REPS1: variants seen among roughly 807,000 people sequenced by gnomAD.
REPS1 encodes RALBP1 associated Eps domain containing 1.
In REPS1, 39 loss-of-function variants were observed where a neutral mutation model predicts 100.9. The observed-to-expected ratio is 0.39, with a 90% confidence interval of 0.30 to 0.50. The LOEUF (loss-of-function observed/expected upper bound fraction) is 0.50, where lower values mean the gene tolerates loss of function less well. Ranked by LOEUF, REPS1 falls within the 20% of genes least tolerant of loss-of-function variation. The pLI is 0.86. For missense variants in REPS1, 821 were observed against 968.5 expected (o/e 0.85, Z 2.02); for synonymous variants, 324 against 340.3 (o/e 0.95, Z 0.53).
intron 2 of REPS1, among the ~76,000 whole-genome samples, chr6:138,946,930 G>A (rs1189829136): frequency 6.6e-6 from 1 of 152,150 alleles, no homozygotes; most frequent in Admixed American, 6.5e-5. Context: ...ATTCCCACAT[G>A]GGAGGTGATT....
chr6:138,974,442 A>T (rs960244232), intron 1 of REPS1, among the ~76,000 whole-genome samples: 1 of 152,208 alleles, frequency 6.6e-6, no homozygotes. Context: ...CTCACTCCTC[A>T]GCTAAATACA....
chr6:138,969,269 ATTTTTTTTT>A (rs71013004), intron 1 of REPS1, among the ~76,000 whole-genome samples: 21 of 74,250 alleles, frequency 2.8e-4, no homozygotes, highest in East Asian at 2.1e-3. Flanking sequence ...CAAAGCTGTA[ATTTTTTTTT>A]TTTTTTTTTT....
intron 1 of REPS1, among the ~76,000 whole-genome samples, chr6:138,964,542 T>C (rs1027253363): frequency 1.3e-5 from 2 of 152,066 alleles, no homozygotes; most frequent in East Asian, 1.9e-4. Flanking sequence ...AAAATAAGTA[T>C]GTTAATTAAC....
intron 1 of REPS1, among the ~76,000 whole-genome samples, chr6:138,970,874 T>C (rs1276794148): frequency 6.6e-6 from 1 of 152,118 alleles, no homozygotes; most frequent in Admixed American, 6.5e-5. Flanking sequence ...ATCAGGTCAT[T>C]TGTTATTTGG....
rs377264106 is a variant in REPS1, at chr6:138,966,974, C to A, written c.154-19061G>T. 2.0e-5 allele frequency among the ~76,000 whole-genome samples: 3 copies of A among 152,292 alleles called. 1 individual carries two copies. On this transcript the variant is annotated intron_variant, in intron 1 of 19. Coordinates refer to ENST00000450536, the MANE Select transcript of REPS1 (RefSeq NM_001286611.2). ...GAAGTTCATGCTTTGGAAATTTAAT[C>A]TCCAATACAACAACAGTGTTGAGAG... is the stretch of plus-strand genomic sequence containing the variant.
chr6:138,982,332 G>C (rs1174830955), intron 1 of REPS1, among the ~76,000 whole-genome samples: 1 of 152,144 alleles, frequency 6.6e-6, no homozygotes, highest in Non-Finnish European at 1.5e-5. Flanking sequence ...ACAAGATATT[G>C]CTCTACACAA....
intron 10 of REPS1, 147 bp downstream of exon 10, chr6:138,926,253 AC>A (rs946603912): frequency 2.6e-5 from 14 of 530,228 alleles, no homozygotes; most frequent in Admixed American, 2.5e-4. Context: ...TGTCTTTCCC[AC>A]CATTAAGCAC....
intron 1 of REPS1, among the ~76,000 whole-genome samples, chr6:138,962,602 T>C (rs1783802883): frequency 6.6e-6 from 1 of 152,144 alleles, no homozygotes. Flanking sequence ...AATTCTAAAA[T>C]ACCTCTTCCC....
At chr6:138,934,668 A>T (rs1781691607) in intron 8 of REPS1, among the ~76,000 whole-genome samples, 1 of 152,210 alleles carries the variant, frequency 6.6e-6, no homozygotes, top group Non-Finnish European at 1.5e-5. Context: ...TATACTAAAA[A>T]ATTGTCTCGA....
At chr6:138,937,339 G>A (rs575694672) in intron 8 of REPS1, among the ~76,000 whole-genome samples, 12 of 152,246 alleles carry the variant, frequency 7.9e-5, no homozygotes, top group South Asian at 2.1e-4. Flanking sequence ...GTATGATTGC[G>A]TCTGTATAAA....
chr6:138,911,365 T>C lies in REPS1; in HGVS notation c.1978A>G (p.Lys660Glu), dbSNP rs1174472172. 3 of 1,609,118 alleles carry C rather than the reference T, an allele frequency of 1.9e-6. No homozygotes were observed. The highest frequency in any genetic ancestry group is 3.3e-4 in the Middle Eastern group (2 of 6,070). ...AGAGAACTTGCAGGATCAGAAGCTTTTTCAGCCTAAAAATGAATATGTTTA... is the reference window on the plus strand; with the variant it reads ...AGAGAACTTGCAGGATCAGAAGCTTCTTCAGCCTAAAAATGAATATGTTTA... Reference protein sequence around the residue: ...EKHPEVLPAEKASDPASSLRV... With the variant: ...EKHPEVLPAEEASDPASSLRV... The change falls in exon 17 of 20, where the codon AAA becomes GAA. Residue 660 changes from lysine to glutamate, a missense_variant. This residue lies in a region of REPS1 where 757 missense variants were observed against 866.4 expected (regional missense o/e 0.87). Transcript: ENST00000450536.
At chr6:138,981,547 A>G (rs967775480) in intron 1 of REPS1, among the ~76,000 whole-genome samples, 1 of 152,198 alleles carries the variant, frequency 6.6e-6, no homozygotes, top group African/African-American at 2.4e-5. Context: ...CCTCTTGTAT[A>G]TATCTCCTCT....
chr6:138,948,705 T>C (rs1205340632), intron 1 of REPS1, among the ~76,000 whole-genome samples: 2 of 152,218 alleles, frequency 1.3e-5, no homozygotes, highest in Admixed American at 1.3e-4. Flanking sequence ...GGCATGCCTG[T>C]TGTATCTTTT....
chr6:138,976,788 G>C (rs964901177), intron 1 of REPS1, among the ~76,000 whole-genome samples: 25 of 152,104 alleles, frequency 1.6e-4, no homozygotes, highest in African/African-American at 5.8e-4. Context: ...CTGTCACACA[G>C]AACAGTGAAT....
intron 8 of REPS1, among the ~76,000 whole-genome samples, chr6:138,934,617 C>T (rs564214783): frequency 6.6e-6 from 1 of 152,326 alleles, no homozygotes; most frequent in Non-Finnish European, 1.5e-5. Context: ...TTGTAACCTA[C>T]ACATCCTAAA....
chr6:138,945,450 G>A, intron 3 of REPS1, 51 bp downstream of exon 3: 2 of 1,578,348 alleles, frequency 1.3e-6, no homozygotes, highest in Non-Finnish European at 1.7e-6. Context: ...GAGCCTTAGT[G>A]AAGCATTTGC....
chr6:138,944,382 A>T, intron 5 of REPS1, 116 bp downstream of exon 5: 1 of 1,218,770 alleles, frequency 8.2e-7, no homozygotes, highest in Non-Finnish European at 1.2e-6. Flanking sequence ...TTTTGCTTTT[A>T]AATAAATGAG....
intron 1 of REPS1, among the ~76,000 whole-genome samples, chr6:138,952,834 GT>G (rs532512918): frequency 0.15 from 21,399 of 141,082 alleles, 1,506 homozygotes; most frequent in African/African-American, 0.18. Flanking sequence ...TTTTGTTTTT[GT>G]TTTTTTTTTT....
intron 1 of REPS1, among the ~76,000 whole-genome samples, chr6:138,959,472 T>TTAATG (rs1554295026): frequency 6.6e-6 from 1 of 151,590 alleles, no homozygotes; most frequent in East Asian, 1.9e-4. Flanking sequence ...ATGAATGAGT[T>TTAATG]TAATAAAATG....
Sources: allele counts gnomAD v4.1 joint callset (sites outside exome capture counted in the v4.1 genomes callset), GRCh38; gene constraint gnomAD v4.1.1; regional missense constraint gnomAD v4.1.1; transcripts MANE v1.5; gene names NCBI Gene and HGNC (gene_info 2026-07-23, HGNC 2026-07-21).